The following ROBO2 variants were observed in gnomAD, a reference collection of about 807,000 sequenced individuals.
ROBO2 encodes the protein roundabout guidance receptor 2, also known as roundabout homolog 2.
In ROBO2, 53 loss-of-function variants were observed where a neutral mutation model predicts 160.8. The ratio of observed to expected loss-of-function variants is 0.33; its 90% CI spans 0.26 to 0.41. ROBO2 has a LOEUF of 0.41. ROBO2 is among the 10% of genes least tolerant of loss of function. ROBO2 has a pLI of 1.00. For synonymous variants in ROBO2, 664 were observed against 611.7 expected (o/e 1.09, Z -1.26); for missense variants, 1,577 against 1,722.4 (o/e 0.92, Z 1.49).
chr3:76,804,602 C>A (rs560725594), intron 2 of ROBO2, among the ~76,000 whole-genome samples: 4 of 152,034 alleles, frequency 2.6e-5, no homozygotes, highest in Non-Finnish European at 5.9e-5. Context: ...GCAGACAGTC[C>A]CTAAATTTGA....
At chr3:76,516,536 T>C (rs1423709123) in intron 2 of ROBO2, among the ~76,000 whole-genome samples, 1 of 152,170 alleles carries the variant, frequency 6.6e-6, no homozygotes, top group Non-Finnish European at 1.5e-5. Context: ...AATGTGTCAT[T>C]GGACTGTGAA....
intron 2 of ROBO2, among the ~76,000 whole-genome samples, chr3:76,042,919 C>T (rs1576607278): frequency 6.6e-6 from 1 of 152,078 alleles, no homozygotes; most frequent in East Asian, 1.9e-4. Context: ...AGAAATTGTG[C>T]ACTCAGGGAG....
intron 2 of ROBO2, among the ~76,000 whole-genome samples, chr3:75,984,416 T>C (rs143961425): frequency 2.6e-3 from 395 of 151,522 alleles, no homozygotes; most frequent in Non-Finnish European, 4.1e-3. Flanking sequence ...GCTTGGAAAA[T>C]GACTATAACA....
intron 2 of ROBO2, among the ~76,000 whole-genome samples, chr3:77,453,326 C>G (rs1480596918): frequency 6.6e-6 from 1 of 151,908 alleles, no homozygotes; most frequent in East Asian, 1.9e-4. Flanking sequence ...GGTATCTCTC[C>G]AAATGCCCAT....
intron 2 of ROBO2, among the ~76,000 whole-genome samples, chr3:77,211,604 T>C (rs1028672460): frequency 6.6e-6 from 1 of 152,200 alleles, no homozygotes; most frequent in African/African-American, 2.4e-5. Context: ...CAATTTTGGC[T>C]TTTGTTACCA....
intron 2 of ROBO2, among the ~76,000 whole-genome samples, chr3:76,364,911 A>G (rs1464207058): frequency 1.3e-5 from 2 of 152,036 alleles, no homozygotes; most frequent in Non-Finnish European, 2.9e-5. Context: ...ATCTGATTCT[A>G]AAGACTCTCT....
At chr3:77,555,338 T>A (rs1363797138) in intron 8 of ROBO2, among the ~76,000 whole-genome samples, 1 of 151,964 alleles carries the variant, frequency 6.6e-6, no homozygotes, top group Non-Finnish European at 1.5e-5. Flanking sequence ...ATGCCTGTAT[T>A]CCGTTTAGAG....
chr3:77,508,384 A>G (rs2088885317), intron 5 of ROBO2, among the ~76,000 whole-genome samples: 1 of 148,224 alleles, frequency 6.7e-6, no homozygotes, highest in South Asian at 2.1e-4. Flanking sequence ...TAAGCTATAT[A>G]GTGAAAGCAT....
At position 76,933,159 on chromosome 3, in the gene ROBO2, T is replaced by C. The variant is rs201609562; in HGVS notation, c.110-164855T>C. 5.3e-5 allele frequency among the ~76,000 whole-genome samples: 8 copies of C among 152,330 alleles called. No individual in the cohort carries two copies. In the East Asian group the frequency reaches 1.5e-3, roughly 29 times the overall value. On this transcript the variant is annotated intron_variant, in intron 2 of 26. Transcript: ENST00000487694. ...ATAACCAGCAAGTATGTTATAATCCTTTCCCAAGTCTCATTAGTTTTTTCA... is the reference window on the plus strand; with the variant it reads ...ATAACCAGCAAGTATGTTATAATCCCTTCCCAAGTCTCATTAGTTTTTTCA...
intron 2 of ROBO2, among the ~76,000 whole-genome samples, chr3:76,043,970 G>C (rs1218009647): frequency 5.9e-5 from 9 of 151,928 alleles, no homozygotes; most frequent in Non-Finnish European, 1.3e-4. Flanking sequence ...TTGAGTGGTG[G>C]TGTTTTACAC....
At chr3:77,185,036 C>T (rs4684009) in intron 2 of ROBO2, among the ~76,000 whole-genome samples, 151,900 of 152,128 alleles carry the variant, frequency 1, 75,836 homozygotes, top group Middle Eastern at 1. Flanking sequence ...GAGCAGATAT[C>T]TGAAAACAGA....
intron 2 of ROBO2, among the ~76,000 whole-genome samples, chr3:77,434,710 A>G (rs1208506178): frequency 6.6e-6 from 1 of 152,122 alleles, no homozygotes; most frequent in Non-Finnish European, 1.5e-5. Flanking sequence ...GATGAGTTCC[A>G]GCTACTGGAT....
chr3:77,180,884 C>A (rs974683098), intron 2 of ROBO2, among the ~76,000 whole-genome samples: 2 of 151,758 alleles, frequency 1.3e-5, no homozygotes, highest in Non-Finnish European at 2.9e-5. Context: ...ACAAAAGCAC[C>A]CAGATTTTAA....
At chr3:77,384,918 A>G (rs994915576) in intron 2 of ROBO2, among the ~76,000 whole-genome samples, 1 of 152,214 alleles carries the variant, frequency 6.6e-6, no homozygotes, top group Admixed American at 6.5e-5. Context: ...GAGTTCATTG[A>G]ACTGTTAATT....
At chr3:76,840,668 TATATATAA>T (rs1266435291) in intron 2 of ROBO2, among the ~76,000 whole-genome samples, 1 of 131,464 alleles carries the variant, frequency 7.6e-6, no homozygotes, top group African/African-American at 2.8e-5. Flanking sequence ...TATATATATA[TATATATAA>T]GATGAAGTAA....
At chr3:77,200,868 A>T (rs764158984) in intron 2 of ROBO2, among the ~76,000 whole-genome samples, 1 of 152,290 alleles carries the variant, frequency 6.6e-6, no homozygotes, top group East Asian at 1.9e-4. Context: ...CACAGACACC[A>T]TAGGCCAGGC....
At chr3:77,372,616 T>C (rs2071939992) in intron 2 of ROBO2, among the ~76,000 whole-genome samples, 1 of 152,138 alleles carries the variant, frequency 6.6e-6, no homozygotes, top group South Asian at 2.1e-4. Context: ...AGAAAGAGTA[T>C]ACTATTTTTG....
chr3:77,625,641 G>T (rs1043357090), intron 23 of ROBO2, among the ~76,000 whole-genome samples: 2 of 152,116 alleles, frequency 1.3e-5, no homozygotes, highest in Non-Finnish European at 2.9e-5. Flanking sequence ...CTCCCAAAGT[G>T]CTGGGATTAC....
Position 76,492,921 on chromosome 3 carries a change from A to G in ROBO2, c.109+555319A>G, listed in dbSNP as rs984367251. On this transcript the variant is annotated intron_variant, in intron 2 of 26. Transcript: ENST00000487694. ...GATATAATCATGTAATTATGATTTTATAATTTAATTTTTACATTGTACATT... is the reference window on the plus strand; with the variant it reads ...GATATAATCATGTAATTATGATTTTGTAATTTAATTTTTACATTGTACATT... 9.2e-5 allele frequency among the ~76,000 whole-genome samples: 14 copies of G among 152,296 alleles called. 1 individual carries two copies. The highest frequency in any genetic ancestry group is 2.1e-4 in the South Asian group (1 of 4,830).
Sources: allele counts gnomAD v4.1 joint callset (sites outside exome capture counted in the v4.1 genomes callset), GRCh38; gene constraint gnomAD v4.1.1; transcripts MANE v1.5; gene names NCBI Gene and HGNC (gene_info 2026-07-23, HGNC 2026-07-21).